Variants in DLAT observed in about 807,000 individuals in gnomAD.
DLAT encodes dihydrolipoamide S-acetyltransferase, also known as dihydrolipoyllysine-residue acetyltransferase component of pyruvate dehydrogenase complex, mitochondrial.
In DLAT, 43 loss-of-function variants were observed where a neutral mutation model predicts 68.0. That is an observed-to-expected ratio of 0.63 (90% CI 0.50 to 0.81). The LOEUF (loss-of-function observed/expected upper bound fraction) is 0.81, where lower values mean the gene tolerates loss of function less well. DLAT is among the 40% of genes least tolerant of loss of function. The pLI is 0.00. For synonymous variants in DLAT, 265 were observed against 288.6 expected, an observed-to-expected ratio of 0.92 and a Z score of 0.83; for missense variants, 745 against 815.4, an observed-to-expected ratio of 0.91 and a Z score of 1.05.
chr11:112,027,059 C>G (rs1358483207), intron 2 of DLAT, among the ~76,000 whole-genome samples: 8 of 151,470 alleles, frequency 5.3e-5, no homozygotes, highest in Non-Finnish European at 1.2e-4. Context: ...ACCTCCCTCC[C>G]GGACGGGGTG....
rs150484481 is a variant in DLAT, at chr11:112,045,151, T to C, written c.1211T>C (p.Val404Ala). The C allele has an allele frequency of 6.2e-6, 10 of 1,613,966 alleles. No individual in the cohort carries two copies. The highest frequency in any genetic ancestry group is 1.7e-5 in the Admixed American group (1 of 60,000). The change falls in exon 9 of 14, where the codon GTT (valine) becomes GCT (alanine). Residue 404 changes from valine to alanine, a missense_variant. By Grantham distance (64) the Val-to-Ala change is moderately conservative. Coordinates refer to ENST00000280346, the MANE Select transcript of DLAT (RefSeq NM_001931.5). ...PSKVAPAPAA[V>A]VPPTGPGMAP... ...TTCCTCCCATAGGCTCCGGCAGCTGTTGTGCCTCCCACAGGTCCTGGAATG... is the reference window on the plus strand; with the variant it reads ...TTCCTCCCATAGGCTCCGGCAGCTGCTGTGCCTCCCACAGGTCCTGGAATG...
chr11:112,027,654 T>C (rs1462494165), intron 2 of DLAT, among the ~76,000 whole-genome samples: 1 of 152,084 alleles, frequency 6.6e-6, no homozygotes, highest in Non-Finnish European at 1.5e-5. Context: ...TCCCGGCACC[T>C]CGGGAGGCCA....
rs1861981392 is a variant in DLAT, at chr11:112,026,074, T to G, written c.280-124T>G. Reference sequence around the variant, plus strand: ...TGGACAGGAACTCCCTTGGCATCCCTAGTTCCCAATGTGCAATGGAACTGT... The same window carrying G: ...TGGACAGGAACTCCCTTGGCATCCCGAGTTCCCAATGTGCAATGGAACTGT... On this transcript the variant is annotated intron_variant, in intron 1 of 13. Transcript: ENST00000280346. The G allele has an allele frequency of 5.8e-6, 5 of 856,160 alleles. No homozygotes were observed. The South Asian group carries it at 7.2e-5, about 12-fold the overall frequency. 53.0% of individuals were successfully genotyped at this position (856,160 alleles called of 1,614,324 possible).
rs587679511 is a variant in DLAT, at chr11:112,063,086, G to A, written c.*551G>A. 4.5e-5 allele frequency: 7 copies of A among 154,664 alleles called. No individual in the cohort carries two copies. The highest frequency in any genetic ancestry group is 1.4e-4 in the African/African-American group (6 of 41,544). The allele number at this position is 154,664 out of a possible 1,614,324, so 9.6% of individuals were successfully genotyped here. On this transcript the variant is annotated 3_prime_UTR_variant, in exon 14 of 14. Coordinates refer to ENST00000280346, the MANE Select transcript of DLAT (RefSeq NM_001931.5). The stretch of plus-strand genomic sequence containing the variant: ...GGGTAGAAAACTTCAAGGAAAATAA[G>A]TGAAATTTTAAAAGTCAGCATTTTC...
chr11:112,025,444 G>GT lies in DLAT; in HGVS notation c.-25dup. On this transcript the variant is annotated 5_prime_UTR_variant, in exon 1 of 14. Transcript: ENST00000280346. ...AGAGGTCACTCCGGAGACGGCGTTG[G>GT]TTTTGGGGTGTGGGGGGTTGGTGGC... The GT allele has an allele frequency of 6.2e-7, 1 of 1,604,404 alleles. No individual in the cohort carries two copies. Among genetic ancestry groups the GT allele is most frequent in the Non-Finnish European group, 8.5e-7 (1 of 1,177,436 alleles).
rs1332531511 is a variant in DLAT, at chr11:112,039,375, G to T, written c.1107G>T (p.Gly369=). The T allele has an allele frequency of 6.2e-7, 1 of 1,613,940 alleles. No homozygotes were observed. Among genetic ancestry groups the T allele is most frequent in the Non-Finnish European group, 8.5e-7 (1 of 1,179,970 alleles). Reference sequence around the variant, plus strand: ...CAAAGAAGTTGGCAGTAGAGAAAGGGATTGATCTTACACAAGTAAAAGGTA... The same window carrying T: ...CAAAGAAGTTGGCAGTAGAGAAAGGTATTGATCTTACACAAGTAAAAGGTA... The part of the protein sequence containing the change: ...PLAKKLAVEK[G]IDLTQVKGTG... Residue 369 remains glycine (G), a synonymous_variant, in exon 7 of 14, where the codon GGG becomes GGT. Coordinates refer to ENST00000280346, the MANE Select transcript of DLAT (RefSeq NM_001931.5).
intron 11 of DLAT, among the ~76,000 whole-genome samples, chr11:112,059,353 CTTTT>C (rs1229235062): frequency 1.5e-5 from 2 of 130,640 alleles, no homozygotes; most frequent in South Asian, 2.4e-4. Context: ...ATTTCTCATT[CTTTT>C]TTTTTTTTTT....
chr11:112,060,247 C>T (rs370830783), intron 12 of DLAT, among the ~76,000 whole-genome samples, 182 bp downstream of exon 12: 3 of 150,708 alleles, frequency 2.0e-5, no homozygotes, highest in Admixed American at 6.6e-5. Context: ...CTGCAAGCTC[C>T]GCCTCCTGGG....
chr11:112,026,868 T>G (rs1382915900), intron 2 of DLAT, among the ~76,000 whole-genome samples: 1 of 151,984 alleles, frequency 6.6e-6, no homozygotes, highest in East Asian at 1.9e-4. Context: ...GCAGAGGGGC[T>G]CCTCACTTCC....
chr11:112,028,440 A>G lies in DLAT; in HGVS notation c.382-75A>G. On this transcript the variant is annotated intron_variant, in intron 2 of 13. Coordinates refer to ENST00000280346, the MANE Select transcript of DLAT (RefSeq NM_001931.5). ...TGTCTCAAAAAAAAAAAAAAAAAAA[A>G]AAAAATTCTAGACACAAGCTAATAA... is the stretch of plus-strand genomic sequence containing the variant. 3 of 1,502,466 alleles carry G rather than the reference A, an allele frequency of 2.0e-6. No homozygotes were observed. In the East Asian group the frequency reaches 6.8e-5, roughly 34 times the overall value. The allele number at this position is 1,502,466 out of a possible 1,614,324, so 93.1% of individuals were successfully genotyped here.
At chr11:112,057,984 G>A (rs73568044) in intron 11 of DLAT, among the ~76,000 whole-genome samples, 3,796 of 152,236 alleles carry the variant, frequency 0.025, 164 homozygotes, top group African/African-American at 0.087. Context: ...CATAACTTTT[G>A]TATGTACTAG....
chr11:112,031,073 G>C (rs191243424), intron 4 of DLAT, among the ~76,000 whole-genome samples: 4 of 152,278 alleles, frequency 2.6e-5, no homozygotes, highest in Admixed American at 2.0e-4. Context: ...TATTCTTTAA[G>C]ATACTGTATA....
intron 11 of DLAT, among the ~76,000 whole-genome samples, chr11:112,055,402 C>T (rs782469410): frequency 7.9e-5 from 12 of 151,936 alleles, no homozygotes; most frequent in Non-Finnish European, 1.5e-5. Flanking sequence ...CACCACCACG[C>T]CCGGCTAATT....
chr11:112,030,553 A>T (rs587724597), intron 4 of DLAT, among the ~76,000 whole-genome samples: 1 of 152,328 alleles, frequency 6.6e-6, no homozygotes, highest in East Asian at 1.9e-4. Context: ...AGTATTAATA[A>T]ATGAGAAAAC....
At chr11:112,038,404 G>A (rs1286155873) in intron 6 of DLAT, among the ~76,000 whole-genome samples, 1 of 150,596 alleles carries the variant, frequency 6.6e-6, no homozygotes, top group African/African-American at 2.4e-5. Context: ...TCACCGTGTT[G>A]GCCAGGCTGG....
chr11:112,053,630 G>C (rs1263405012), intron 11 of DLAT, among the ~76,000 whole-genome samples: 1 of 151,888 alleles, frequency 6.6e-6, no homozygotes, highest in Non-Finnish European at 1.5e-5. Context: ...TTTTTTTGTA[G>C]TTTTAGTAGA....
Position 112,039,344 on chromosome 11 carries a change from C to T in DLAT, c.1076C>T (p.Pro359Leu). The T allele has an allele frequency of 6.2e-7, 1 of 1,614,058 alleles. No individual in the cohort carries two copies. Among genetic ancestry groups the T allele is most frequent in the South Asian group, 1.1e-5 (1 of 91,078 alleles). The change falls in exon 7 of 14, where the codon CCT (proline) becomes CTT (leucine). Residue 359 changes from proline (P) to leucine (L), a missense_variant. Physicochemically the swap from Pro to Leu is moderately conservative, Grantham distance 98. Coordinates refer to ENST00000280346, the MANE Select transcript of DLAT (RefSeq NM_001931.5). ...CCAAAGGGAAGGGTGTTTGTTAGCC[C>T]TCTTGCAAAGAAGTTGGCAGTAGAG... Reference protein sequence around the residue: ...AGPKGRVFVSPLAKKLAVEKG... With the variant: ...AGPKGRVFVSLLAKKLAVEKG...
chr11:112,028,733 A>T (rs1555179671), intron 3 of DLAT, 59 bp from the exon 4 acceptor site: 1 of 1,613,844 alleles, frequency 6.2e-7, no homozygotes, highest in Non-Finnish European at 8.5e-7. Flanking sequence ...ATTTTTTAAG[A>T]CTACTTTTGT....
At chr11:112,044,651 T>G (rs1250959338) in intron 8 of DLAT, among the ~76,000 whole-genome samples, 1 of 152,108 alleles carries the variant, frequency 6.6e-6, no homozygotes, top group Non-Finnish European at 1.5e-5. Context: ...AAAACATGAC[T>G]TCAGAATTCT....
Sources: allele counts gnomAD v4.1 joint callset (sites outside exome capture counted in the v4.1 genomes callset), GRCh38; gene constraint gnomAD v4.1.1; transcripts MANE v1.5; gene names NCBI Gene and HGNC (gene_info 2026-07-23, HGNC 2026-07-21).